TP53BP2: variants seen among roughly 807,000 people sequenced by gnomAD.
TP53BP2 encodes tumor protein p53 binding protein 2, also known as apoptosis-stimulating of p53 protein 2.
A neutral mutation model predicts 126.2 loss-of-function variants in TP53BP2; 62 were observed. The observed-to-expected ratio is 0.49, with a 90% CI of 0.40 to 0.61. TP53BP2 has a LOEUF of 0.61. Among genes scored for constraint, TP53BP2 ranks in the 20% least tolerant of loss-of-function variants. TP53BP2 has a pLI of 0.00. For synonymous variants in TP53BP2, 485 were observed against 502.9 expected (o/e 0.96, Z 0.48); for missense variants, 1,215 against 1,402.8 (o/e 0.87, Z 2.14).
At position 223,803,463 on chromosome 1, in the gene TP53BP2, CAG is replaced by C. The variant is rs1467163367; in HGVS notation, c.650-13_650-12del. The C allele has an allele frequency of 6.3e-7, 1 of 1,592,214 alleles. No individual in the cohort carries two copies. The highest frequency in any genetic ancestry group is 1.8e-5 in the Admixed American group (1 of 56,984). ...GTTCAATTTCCTCCACTAGATGAGA[CAG>C]AGAACAGCAACAACAGTTGAAAAGA... On this transcript the variant is annotated splice_polypyrimidine_tract_variant and intron_variant, in intron 6 of 17. Coordinates refer to ENST00000343537, the MANE Select transcript of TP53BP2 (RefSeq NM_001031685.3).
At position 223,795,868 on chromosome 1, in the gene TP53BP2, C is replaced by T. The variant is rs138778236; in HGVS notation, c.2671G>A (p.Asp891Asn). 4.4e-6 allele frequency: 7 copies of T among 1,591,230 alleles called. No homozygotes were observed. In the African/African-American group the frequency reaches 8.2e-5, roughly 19 times the overall value. ...TCAGGCGGGCGCATGCTCACCGAGT[C>T]TTCTCCGGGCCCTTCAGGCTCCCCA... ...PSGEPEGPGE[D>N]SVSMRPPEIT... The change falls in exon 13 of 18, where the codon GAC becomes AAC. Residue 891 changes from aspartate to asparagine, a missense_variant. Physicochemically the swap from Asp to Asn is conservative, Grantham distance 23. Transcript: ENST00000343537.
At chr1:223,824,434 G>A (rs1258144532) in intron 1 of TP53BP2, among the ~76,000 whole-genome samples, 1 of 152,156 alleles carries the variant, frequency 6.6e-6, no homozygotes, top group Admixed American at 6.5e-5. Context: ...TAATTGTACT[G>A]CAGTCCGCGA....
chr1:223,828,898 T>C (rs1490129891), intron 1 of TP53BP2, among the ~76,000 whole-genome samples: 1 of 152,096 alleles, frequency 6.6e-6, no homozygotes, highest in Non-Finnish European at 1.5e-5. Flanking sequence ...CTGTAATTAG[T>C]GGTGATAGCA....
chr1:223,804,638 T>C (rs1287541475), intron 5 of TP53BP2, among the ~76,000 whole-genome samples: 1 of 152,236 alleles, frequency 6.6e-6, no homozygotes, highest in Non-Finnish European at 1.5e-5. Flanking sequence ...CTAGTTTTCA[T>C]AAACTGTTGC....
intron 1 of TP53BP2, among the ~76,000 whole-genome samples, chr1:223,841,112 C>T (rs927300942): frequency 6.6e-6 from 1 of 151,976 alleles, no homozygotes; most frequent in African/African-American, 2.4e-5. Context: ...ATTAGCAGAG[C>T]GTGGCCTGTA....
intron 17 of TP53BP2, 84 bp downstream of exon 17, chr1:223,784,031 G>T: frequency 8.4e-7 from 1 of 1,197,100 alleles, no homozygotes; most frequent in Non-Finnish European, 1.2e-6. Flanking sequence ...GCAGTTTGGT[G>T]CACTGTACAC....
intron 17 of TP53BP2, among the ~76,000 whole-genome samples, 178 bp downstream of exon 17, chr1:223,783,937 T>C (rs753537077): frequency 1.3e-5 from 2 of 152,224 alleles, no homozygotes; most frequent in African/African-American, 2.4e-5. Context: ...ACAGATGTTA[T>C]TGGTCATAAT....
chr1:223,804,410 T>C (rs1053861097), intron 5 of TP53BP2, 62 bp from the exon 6 acceptor site: 8 of 1,463,112 alleles, frequency 5.5e-6, no homozygotes, highest in South Asian at 2.3e-5. Context: ...AAGCTCAAAA[T>C]AGCCTAACTG....
At chr1:223,815,800 T>TAAATATGTTC (rs1663065279) in intron 2 of TP53BP2, among the ~76,000 whole-genome samples, 1 of 152,156 alleles carries the variant, frequency 6.6e-6, no homozygotes, top group Admixed American at 6.5e-5. Context: ...TTCCTATGTT[T>TAAATATGTTC]AGATACACAA....
chr1:223,845,590 C>A (rs2102898414), intron 1 of TP53BP2, 64 bp downstream of exon 1: 4 of 1,497,724 alleles, frequency 2.7e-6, no homozygotes, highest in African/African-American at 1.4e-5. Context: ...AGGGCGCGGA[C>A]CAGCCCCCGG....
chr1:223,793,488 G>C (rs1662218200), intron 13 of TP53BP2, 48 bp from the exon 14 acceptor site: 1 of 1,455,830 alleles, frequency 6.9e-7, no homozygotes, highest in Admixed American at 2.6e-5. Flanking sequence ...CTATGCAAGA[G>C]AACAACAGCA....
At chr1:223,845,387 G>C (rs1218747906) in intron 1 of TP53BP2, 2 of 508,124 alleles carry the variant, frequency 3.9e-6, no homozygotes, top group Admixed American at 6.4e-5. Flanking sequence ...CTGGGCTCGC[G>C]GGCGGCTCGC....
chr1:223,828,581 G>A (rs759128319), intron 1 of TP53BP2, among the ~76,000 whole-genome samples: 7 of 152,116 alleles, frequency 4.6e-5, no homozygotes, highest in Non-Finnish European at 7.3e-5. Flanking sequence ...AGTCAGGAAT[G>A]ATTAAAAACA....
At chr1:223,829,515 CTA>C (rs1663622098) in intron 1 of TP53BP2, among the ~76,000 whole-genome samples, 1 of 152,182 alleles carries the variant, frequency 6.6e-6, no homozygotes, top group African/African-American at 2.4e-5. Context: ...TCTCCTGACA[CTA>C]TATGTTCTTT....
intron 1 of TP53BP2, among the ~76,000 whole-genome samples, chr1:223,824,808 C>T (rs1463665292): frequency 6.6e-6 from 1 of 152,010 alleles, no homozygotes. Context: ...TCTAATCCCC[C>T]CTCACTCTGT....
intron 1 of TP53BP2, among the ~76,000 whole-genome samples, chr1:223,836,561 T>A (rs892995355): frequency 1.3e-4 from 20 of 152,312 alleles, no homozygotes; most frequent in Admixed American, 2.6e-4. Context: ...AGAGTTTATA[T>A]ATTTTATGCT....
At chr1:223,826,289 C>G (rs1305141293) in intron 1 of TP53BP2, among the ~76,000 whole-genome samples, 3 of 152,128 alleles carry the variant, frequency 2.0e-5, no homozygotes, top group Non-Finnish European at 4.4e-5. Context: ...GACAGAGGGT[C>G]GTTATTAAAC....
intron 12 of TP53BP2, among the ~76,000 whole-genome samples, chr1:223,797,043 G>A (rs1662349195): frequency 6.6e-6 from 1 of 152,136 alleles, no homozygotes. Context: ...ACCACTTATA[G>A]TTACCAAAGA....
At chr1:223,826,934 C>T (rs1663517510) in intron 1 of TP53BP2, among the ~76,000 whole-genome samples, 1 of 151,982 alleles carries the variant, frequency 6.6e-6, no homozygotes, top group Non-Finnish European at 1.5e-5. Context: ...GTAAGACTCG[C>T]TTGGTGGACA....
Sources: allele counts gnomAD v4.1 joint callset (sites outside exome capture counted in the v4.1 genomes callset), GRCh38; gene constraint gnomAD v4.1.1; transcripts MANE v1.5; gene names NCBI Gene and HGNC (gene_info 2026-07-23, HGNC 2026-07-21).